The following ZC2HC1A variants were observed in gnomAD, a reference collection of about 807,000 sequenced individuals.
ZC2HC1A encodes the protein zinc finger C2HC-type containing 1A.
ZC2HC1A carries 28 observed loss-of-function variants against 40.7 expected under a neutral mutation model. The ratio of observed to expected loss-of-function variants is 0.69; its 90% CI spans 0.51 to 0.94. ZC2HC1A has a LOEUF of 0.94. Among genes scored for constraint, ZC2HC1A ranks in the 40% least tolerant of loss-of-function variants. The pLI, the probability that ZC2HC1A is intolerant of heterozygous loss-of-function variation, is 0.00. For missense variants in ZC2HC1A, 389 were observed against 386.3 expected, an observed-to-expected ratio of 1.01 and a Z score of -0.06; for synonymous variants, 129 against 129.2, an observed-to-expected ratio of 1.00 and a Z score of 0.01.
chr8:78,694,208 A>C (rs1180293953), intron 5 of ZC2HC1A, among the ~76,000 whole-genome samples: 1 of 151,058 alleles, frequency 6.6e-6, no homozygotes, highest in Non-Finnish European at 1.5e-5. Context: ...ATTTCTTTAA[A>C]TGTAGTACTC....
chr8:78,709,108 A>C (rs891576458), intron 7 of ZC2HC1A, among the ~76,000 whole-genome samples: 4 of 152,206 alleles, frequency 2.6e-5, no homozygotes, highest in African/African-American at 9.7e-5. Flanking sequence ...TATCTCAGTT[A>C]ATAATTTTCA....
chr8:78,681,717 C>G (rs747928832), intron 3 of ZC2HC1A, among the ~76,000 whole-genome samples: 4 of 151,978 alleles, frequency 2.6e-5, no homozygotes, highest in Admixed American at 2.6e-4. Flanking sequence ...AAATAAATGA[C>G]ATTTTGATTT....
chr8:78,676,126 A>T (rs57482309), intron 2 of ZC2HC1A: 55 of 164,700 alleles, frequency 3.3e-4, no homozygotes, highest in African/African-American at 5.9e-4. Flanking sequence ...CAAACAAAAT[A>T]AAAAAAAAAA....
intron 7 of ZC2HC1A, among the ~76,000 whole-genome samples, chr8:78,709,368 T>C (rs1810883061): frequency 6.6e-6 from 1 of 152,216 alleles, no homozygotes; most frequent in South Asian, 2.1e-4. Flanking sequence ...TCCAGTCTTT[T>C]GATGTGTGTG....
Position 78,675,854 on chromosome 8 carries a change from A to T in ZC2HC1A, c.84A>T (p.Pro28=). 6.2e-7 allele frequency: 1 copy of T among 1,611,046 alleles called. No homozygotes were observed. The highest frequency in any genetic ancestry group is 8.5e-7 in the Non-Finnish European group (1 of 1,177,994). Residue 28 remains proline, a synonymous_variant, in exon 2 of 9, where the codon CCA becomes CCT. Coordinates refer to ENST00000263849, the MANE Select transcript of ZC2HC1A (RefSeq NM_016010.3). ...PCKICGRTFF[P]VALKKHGPIC... is the part of the protein sequence containing the mutation. ...AGATTTGTGGAAGAACATTCTTTCC[A>T]GTAGCATTAGTGAGTAGACTGATTT...
chr8:78,681,409 G>A (rs1809774678), intron 3 of ZC2HC1A, among the ~76,000 whole-genome samples: 1 of 152,166 alleles, frequency 6.6e-6, no homozygotes, highest in South Asian at 2.1e-4. Context: ...TGAATGTTGT[G>A]ATCAGATATT....
rs901792199 is a variant in ZC2HC1A at position 78,718,822 on chromosome 8, T to C, written c.*1329T>C. ...TCTATTCAATCAAACCTAAGAGAGC[T>C]TTGATCTTACTGTAAAGGTACAAAC... On this transcript the variant is annotated 3_prime_UTR_variant, in exon 9 of 9. Coordinates refer to ENST00000263849, the MANE Select transcript of ZC2HC1A (RefSeq NM_016010.3). 6 of 151,844 alleles carry C rather than the reference T, an allele frequency of 4.0e-5. No individual in the cohort carries two copies. Among genetic ancestry groups the C allele is most frequent in the Admixed American group, 3.3e-4 (5 of 15,264 alleles). The allele number at this position is 151,844 out of a possible 1,614,324, so 9.4% of individuals were successfully genotyped here.
At chr8:78,675,075 C>T (rs1809538460) in intron 1 of ZC2HC1A, among the ~76,000 whole-genome samples, 1 of 149,796 alleles carries the variant, frequency 6.7e-6, no homozygotes, top group African/African-American at 2.4e-5. Flanking sequence ...TTTGTAGTTT[C>T]TTTTTTTTTC....
Position 78,697,421 on chromosome 8 carries a change from A to G in ZC2HC1A, c.519A>G (p.Ala173=), listed in dbSNP as rs769129669. The G allele has an allele frequency of 6.3e-6, 10 of 1,599,764 alleles. No individual in the cohort carries two copies. In the East Asian group the frequency reaches 2.3e-4, roughly 36 times the overall value. ...TSRTQVYKPP[A]LKKSNSPGTA... is the part of the protein sequence containing the mutation. ...CATTATTTTAGTATAAGCCACCCGC[A>G]CTTAAAAAGTCAAATTCTCCTGGAA... The change falls in exon 6 of 9, where the codon GCA becomes GCG. Residue 173 remains alanine (A), a synonymous_variant. Coordinates refer to ENST00000263849, the MANE Select transcript of ZC2HC1A (RefSeq NM_016010.3).
intron 3 of ZC2HC1A, among the ~76,000 whole-genome samples, chr8:78,685,625 A>G (rs559551781): frequency 6.6e-6 from 1 of 152,246 alleles, no homozygotes; most frequent in Non-Finnish European, 1.5e-5. Context: ...AATAGTCCAC[A>G]GTAAAGACAA....
intron 5 of ZC2HC1A, among the ~76,000 whole-genome samples, chr8:78,692,648 T>C (rs1200192678): frequency 4.6e-5 from 7 of 152,078 alleles, no homozygotes; most frequent in African/African-American, 1.7e-4. Context: ...TGGTTTCCAG[T>C]AATCTTTTTG....
At chr8:78,674,777 G>A (rs559216085) in intron 1 of ZC2HC1A, among the ~76,000 whole-genome samples, 4 of 152,186 alleles carry the variant, frequency 2.6e-5, no homozygotes, top group Non-Finnish European at 5.9e-5. Context: ...TTAGTTCTCT[G>A]TGAACTCACT....
rs570097477 is a variant in ZC2HC1A at position 78,718,069 on chromosome 8, A to G, written c.*576A>G. The G allele has an allele frequency of 6.6e-5, 10 of 152,178 alleles. No individual in the cohort carries two copies. Among genetic ancestry groups the G allele is most frequent in the Non-Finnish European group, 1.5e-4 (10 of 67,924 alleles). 9.4% of individuals were successfully genotyped at this position (152,178 alleles called of 1,614,324 possible). A position where few individuals can be genotyped will look rare whatever the true frequency, so the allele number is the denominator to read the frequency against. On this transcript the variant is annotated 3_prime_UTR_variant, in exon 9 of 9. Transcript: ENST00000263849. ...TAAGAGAAAAAAAAACCCCTCTATTAGTTACGTAATTTAAACATCTTACTT... is the reference window on the plus strand; with the variant it reads ...TAAGAGAAAAAAAAACCCCTCTATTGGTTACGTAATTTAAACATCTTACTT...
At chr8:78,698,957 A>T (rs1810516946) in intron 7 of ZC2HC1A, among the ~76,000 whole-genome samples, 2 of 152,174 alleles carry the variant, frequency 1.3e-5, no homozygotes, top group Admixed American at 6.5e-5. Flanking sequence ...CGCAATATAT[A>T]AATTGGGATA....
intron 5 of ZC2HC1A, among the ~76,000 whole-genome samples, chr8:78,693,705 T>G (rs1810299058): frequency 6.6e-6 from 1 of 152,208 alleles, no homozygotes; most frequent in South Asian, 2.1e-4. Context: ...TGATGGTAGT[T>G]TCTTCTGCTG....
At chr8:78,682,522 A>G (rs374616870) in intron 3 of ZC2HC1A, among the ~76,000 whole-genome samples, 8 of 152,276 alleles carry the variant, frequency 5.3e-5, no homozygotes, top group African/African-American at 1.4e-4. Context: ...CTTATTCACT[A>G]TCACGAGCAC....
Position 78,718,075 on chromosome 8 carries a change from G to A in ZC2HC1A, c.*582G>A, listed in dbSNP as rs573592153. Reference sequence around the variant, plus strand: ...AAAAAAAAACCCCTCTATTAGTTACGTAATTTAAACATCTTACTTGTTTTG... The same window carrying A: ...AAAAAAAAACCCCTCTATTAGTTACATAATTTAAACATCTTACTTGTTTTG... On this transcript the variant is annotated 3_prime_UTR_variant, in exon 9 of 9. Coordinates refer to ENST00000263849, the MANE Select transcript of ZC2HC1A (RefSeq NM_016010.3). 1.1e-4 allele frequency: 16 copies of A among 151,952 alleles called. No individual in the cohort carries two copies. The highest frequency in any genetic ancestry group is 2.1e-4 in the South Asian group (1 of 4,814). The allele number at this position is 151,952 out of a possible 1,614,324, so 9.4% of individuals were successfully genotyped here.
At chr8:78,687,518 A>T (rs553620115) in intron 4 of ZC2HC1A, among the ~76,000 whole-genome samples, 1 of 144,206 alleles carries the variant, frequency 6.9e-6, no homozygotes. Flanking sequence ...ATATATATTT[A>T]TATAATAAAT....
chr8:78,713,800 A>G (rs922232085), intron 7 of ZC2HC1A, among the ~76,000 whole-genome samples: 1 of 152,218 alleles, frequency 6.6e-6, no homozygotes, highest in Admixed American at 6.5e-5. Context: ...CTGGCCACGT[A>G]GTAGCCTCAC....
Sources: gnomAD v4.1 joint callset for allele counts (sites outside exome capture counted in the v4.1 genomes callset) on GRCh38, gnomAD v4.1.1 for gene constraint, MANE v1.5 for transcripts, NCBI Gene and HGNC (gene_info 2026-07-23, HGNC 2026-07-21) for gene names.